The following KHDRBS2 variants were observed in gnomAD, a reference collection of about 807,000 sequenced individuals.
The protein encoded by KHDRBS2 is KH RNA binding domain containing, signal transduction associated 2.
KHDRBS2 carries 26 observed loss-of-function variants against 44.3 expected under a neutral mutation model. That is an observed-to-expected ratio of 0.59 (90% CI 0.43 to 0.81). The LOEUF is 0.81. Ranked by LOEUF, KHDRBS2 falls within the 40% of genes least tolerant of loss-of-function variation. The pLI, the probability that KHDRBS2 is intolerant of heterozygous loss-of-function variation, is 0.00. For missense variants in KHDRBS2, 476 were observed against 433.1 expected, an observed-to-expected ratio of 1.10 and a Z score of -0.88; for synonymous variants, 194 against 151.1, an observed-to-expected ratio of 1.28 and a Z score of -2.08.
the KHDRBS2 span, among the ~76,000 whole-genome samples, chr6:61,574,712 C>T: frequency 2.6e-5 from 4 of 152,104 alleles, no homozygotes; most frequent in African/African-American, 9.7e-5. Flanking sequence ...TGGGACCAGC[C>T]TGGCCAACAT....
At chr6:62,149,547 C>T (rs781768880) in intron 2 of KHDRBS2, among the ~76,000 whole-genome samples, 2 of 152,094 alleles carry the variant, frequency 1.3e-5, no homozygotes, top group African/African-American at 4.8e-5. Context: ...AAAAAGTGAA[C>T]ATTTAAAAAA....
intron 2 of KHDRBS2, among the ~76,000 whole-genome samples, chr6:62,108,256 C>T (rs917262012): frequency 1.3e-5 from 2 of 152,044 alleles, no homozygotes; most frequent in African/African-American, 2.4e-5. Context: ...AAGAAAAAAA[C>T]AAAGAACCCC....
At chr6:61,654,257 A>C in the KHDRBS2 span, among the ~76,000 whole-genome samples, 72 of 152,196 alleles carry the variant, frequency 4.7e-4, no homozygotes, top group African/African-American at 1.6e-3. Flanking sequence ...GAAGGTTAAT[A>C]ATCGAGTATA....
At chr6:61,698,275 C>G (rs1768146175) in intron 7 of KHDRBS2, among the ~76,000 whole-genome samples, 1 of 152,154 alleles carries the variant, frequency 6.6e-6, no homozygotes. Context: ...GTTACCTTCT[C>G]ATTTTTCCAA....
intron 2 of KHDRBS2, among the ~76,000 whole-genome samples, chr6:62,162,820 G>A (rs1242619113): frequency 1.3e-5 from 2 of 152,026 alleles, no homozygotes; most frequent in African/African-American, 4.8e-5. Flanking sequence ...GCAGGAGAAA[G>A]AGAGGAGTGA....
At chr6:61,561,589 C>G in the KHDRBS2 span, among the ~76,000 whole-genome samples, 1 of 152,126 alleles carries the variant, frequency 6.6e-6, no homozygotes, top group African/African-American at 2.4e-5. Flanking sequence ...CTTTCCTTCC[C>G]TTTCCACAGG....
chr6:61,762,492 C>A lies in KHDRBS2; in HGVS notation c.811-29728G>T, dbSNP rs529253306. Among the ~76,000 whole-genome samples, 20 of 152,220 alleles carry A rather than the reference C, an allele frequency of 1.3e-4. No homozygotes were observed. In the South Asian group the frequency reaches 2.7e-3, roughly 21 times the overall value. ...CTGTGCTCGTGGTAATGAGTGAGTT[C>A]TTGCTCTATAAGTTCCCACTAGAGC... is the stretch of plus-strand genomic sequence containing the variant. On this transcript the variant is annotated intron_variant, in intron 6 of 8. Transcript: ENST00000281156.
At chr6:62,212,689 A>G (rs977848833) in intron 1 of KHDRBS2, among the ~76,000 whole-genome samples, 1 of 152,192 alleles carries the variant, frequency 6.6e-6, no homozygotes, top group Non-Finnish European at 1.5e-5. Flanking sequence ...ACTTGAGATT[A>G]CCAAAAGCTA....
the KHDRBS2 span, among the ~76,000 whole-genome samples, chr6:61,560,952 C>G: frequency 2.6e-5 from 4 of 152,068 alleles, no homozygotes; most frequent in Non-Finnish European, 5.9e-5. Context: ...TGTACCCCTC[C>G]TTCTTAGGAA....
intron 1 of KHDRBS2, among the ~76,000 whole-genome samples, chr6:62,236,888 T>G (rs1231270598): frequency 1.3e-5 from 2 of 152,156 alleles, no homozygotes; most frequent in Non-Finnish European, 2.9e-5. Context: ...CCTCAATAAA[T>G]TCATCATTTG....
chr6:61,566,629 G>C, the KHDRBS2 span, among the ~76,000 whole-genome samples: 1 of 152,140 alleles, frequency 6.6e-6, no homozygotes, highest in Non-Finnish European at 1.5e-5. Context: ...AAGCAAGATA[G>C]AATATGTTAG....
At chr6:61,790,321 T>C (rs1489994629) in intron 6 of KHDRBS2, among the ~76,000 whole-genome samples, 1 of 151,308 alleles carries the variant, frequency 6.6e-6, no homozygotes, top group Admixed American at 6.6e-5. Context: ...CCGTTAGATT[T>C]GAAAGATGCT....
At chr6:61,967,903 CATAT>C (rs34777524) in intron 4 of KHDRBS2, among the ~76,000 whole-genome samples, 6 of 142,938 alleles carry the variant, frequency 4.2e-5, no homozygotes, top group Non-Finnish European at 7.6e-5. Flanking sequence ...CACACACACA[CATAT>C]ATATATACAC....
At chr6:61,995,076 T>C (rs1439758825) in intron 3 of KHDRBS2, among the ~76,000 whole-genome samples, 2 of 152,112 alleles carry the variant, frequency 1.3e-5, no homozygotes, top group African/African-American at 2.4e-5. Context: ...AAGGCCACAA[T>C]AAAGGGTTCA....
At chr6:61,885,720 T>A (rs772302050) in intron 6 of KHDRBS2, among the ~76,000 whole-genome samples, 2 of 152,160 alleles carry the variant, frequency 1.3e-5, no homozygotes, top group Non-Finnish European at 2.9e-5. Flanking sequence ...CAGGTGAGGA[T>A]GTCACCTGGG....
chr6:61,620,166 TG>T, the KHDRBS2 span, among the ~76,000 whole-genome samples: 1 of 152,052 alleles, frequency 6.6e-6, no homozygotes, highest in Non-Finnish European at 1.5e-5. Context: ...CAATATAAAA[TG>T]AATCAAAAAA....
intron 7 of KHDRBS2, among the ~76,000 whole-genome samples, chr6:61,706,496 A>G (rs1273192852): frequency 6.6e-6 from 1 of 151,806 alleles, no homozygotes. Context: ...AAGACTGGAA[A>G]CTATGCCAGG....
chr6:62,275,193 A>T (rs1401150586), intron 1 of KHDRBS2, among the ~76,000 whole-genome samples: 1 of 152,142 alleles, frequency 6.6e-6, no homozygotes, highest in Admixed American at 6.5e-5. Context: ...ACAATATCCA[A>T]TCTTTCAGTA....
chr6:61,657,697 G>A, the KHDRBS2 span, among the ~76,000 whole-genome samples: 1 of 152,036 alleles, frequency 6.6e-6, no homozygotes, highest in South Asian at 2.1e-4. Flanking sequence ...TGGAAGGACT[G>A]ATCTGAGAAG....
Sources: allele counts gnomAD v4.1 joint callset (sites outside exome capture counted in the v4.1 genomes callset), GRCh38; gene constraint gnomAD v4.1.1; transcripts MANE v1.5; gene names NCBI Gene and HGNC (gene_info 2026-07-23, HGNC 2026-07-21).